Variants in ZNF318 observed in about 807,000 individuals in gnomAD.
ZNF318 encodes the protein zinc finger protein 318, also known as endocrine regulator.
A neutral mutation model predicts 124.2 loss-of-function variants in ZNF318; 51 were observed. The ratio of observed to expected loss-of-function variants is 0.41; its 90% confidence interval spans 0.33 to 0.52. ZNF318 has a LOEUF of 0.52. Ranked by LOEUF, ZNF318 falls within the 20% of genes least tolerant of loss-of-function variation. The pLI is 0.23. For synonymous variants in ZNF318, 1,090 were observed against 1,040.7 expected, an observed-to-expected ratio of 1.05 and a Z score of -0.91; for missense variants, 2,815 against 2,811.2, an observed-to-expected ratio of 1.00 and a Z score of -0.03.
rs564029327 is a variant in ZNF318, at chr6:43,340,096, A to G, written c.3902T>C (p.Leu1301Pro). 6.2e-7 allele frequency: 1 copy of G among 1,614,168 alleles called. No homozygotes were observed. The highest frequency in any genetic ancestry group is 1.3e-5 in the African/African-American group (1 of 75,064). Residue 1301 changes from leucine (L) to proline (P), a missense_variant, in exon 10 of 10, where the codon CTA becomes CCA. Physicochemically the swap from Leu to Pro is moderately conservative, Grantham distance 98. Transcript: ENST00000361428. ...ATCCTCTTTGTCCTTACTACTTTCT[A>G]GAATCTCTTCTTTAGAGATACTTGG... is the stretch of plus-strand genomic sequence containing the variant. Reference protein sequence around the residue: ...VTPSISKEEILESSKDKEDGK... With the variant: ...VTPSISKEEIPESSKDKEDGK...
intron 1 of ZNF318, among the ~76,000 whole-genome samples, chr6:43,366,807 TAC>T (rs1413498918): frequency 3.3e-5 from 5 of 151,914 alleles, no homozygotes; most frequent in African/African-American, 9.7e-5. Context: ...CTATATTACA[TAC>T]ACACACACGC....
rs1316873692 is a variant in ZNF318, at chr6:43,355,577, T to C, written c.1757A>G (p.Asn586Ser). 3 of 1,614,220 alleles carry C rather than the reference T, an allele frequency of 1.9e-6. No individual in the cohort carries two copies. Among genetic ancestry groups the C allele is most frequent in the African/African-American group, 1.3e-5 (1 of 75,052 alleles). Residue 586 changes from asparagine to serine, a missense_variant, in exon 4 of 10, where the codon AAT becomes AGT. Asn to Ser is a conservative substitution (Grantham distance 46). This residue lies in a region of ZNF318 where 1,377 missense variants were observed against 1,353.5 expected (regional missense o/e 1.02). Coordinates refer to ENST00000361428, the MANE Select transcript of ZNF318 (RefSeq NM_014345.3). ...AVKLESLEETNPEYAKIHDLL... is the reference protein window; with the variant it reads ...AVKLESLEETSPEYAKIHDLL... The stretch of plus-strand genomic sequence containing the variant: ...GTCATGGATCTTCGCATATTCTGGA[T>C]TGGTCTCTTCTAGTGATTCTAGCTT...
rs780943780 is a variant in ZNF318 at position 43,365,266 on chromosome 6, T to A, written c.548+26A>T. On this transcript the variant is annotated intron_variant, in intron 2 of 9. Transcript: ENST00000361428. The stretch of plus-strand genomic sequence containing the variant: ...TTTCTGCCTTCAAGTACTAGTATAG[T>A]AGGCCCTGCCTTAGGTGATGCCTAC... The A allele has an allele frequency of 2.5e-6, 4 of 1,608,002 alleles. No individual in the cohort carries two copies. The African/African-American group carries it at 4.0e-5, about 16-fold the overall frequency.
Position 43,365,415 on chromosome 6 carries a change from T to G in ZNF318, c.425A>C (p.Asp142Ala). The stretch of plus-strand genomic sequence containing the variant: ...GATCCTTAAGCTCTTTTCCAAAGAG[T>G]CAGAACACAGACCAGGAGAGCGTCT... ...SRRRSPGLCS[D>A]SLEKSLRITV... The change falls in exon 2 of 10, where the codon GAC becomes GCC. Residue 142 changes from aspartate to alanine, a missense_variant. By Grantham distance (126) the Asp-to-Ala change is moderately radical (BLOSUM62 -2). Coordinates refer to ENST00000361428, the MANE Select transcript of ZNF318 (RefSeq NM_014345.3). 5 of 1,613,786 alleles carry G rather than the reference T, an allele frequency of 3.1e-6. No homozygotes were observed. Among genetic ancestry groups the G allele is most frequent in the Non-Finnish European group, 3.4e-6 (4 of 1,179,930 alleles).
At chr6:43,356,668 T>G (rs1779612037) in intron 3 of ZNF318, among the ~76,000 whole-genome samples, 1 of 152,136 alleles carries the variant, frequency 6.6e-6, no homozygotes, top group South Asian at 2.1e-4. Context: ...GTGAGGTGAC[T>G]TGTCTAAAAA....
chr6:43,347,754 C>T (rs1244369780), intron 6 of ZNF318, among the ~76,000 whole-genome samples: 1 of 151,880 alleles, frequency 6.6e-6, no homozygotes. Context: ...ATGAAATGGC[C>T]TAGGAAGAAA....
At chr6:43,353,905 A>T (rs1198953430) in intron 4 of ZNF318, among the ~76,000 whole-genome samples, 1 of 152,052 alleles carries the variant, frequency 6.6e-6, no homozygotes, top group Non-Finnish European at 1.5e-5. Context: ...CTTTCTTCCC[A>T]CAGGCTGGGG....
Position 43,346,171 on chromosome 6 carries a change from G to A in ZNF318, c.3072+2153C>T, listed in dbSNP as rs1335082763. On this transcript the variant is annotated intron_variant, in intron 6 of 9. Coordinates refer to ENST00000361428, the MANE Select transcript of ZNF318 (RefSeq NM_014345.3). ...GATCACGCCACACGCCACAGAATAA[G>A]ACTCTGTTTCAAAAAAAAAAAAAAA... 3.2e-5 allele frequency among the ~76,000 whole-genome samples: 3 copies of A among 95,158 alleles called. No homozygotes were observed. The Admixed American group carries it at 4.9e-4, about 16-fold the overall frequency. The allele number at this position is 95,158 out of a possible 152,430, so 62.4% of individuals were successfully genotyped here. A position where few individuals can be genotyped will look rare whatever the true frequency, so the allele number is the denominator to read the frequency against.
At chr6:43,366,854 C>CA (rs529840635) in intron 1 of ZNF318, among the ~76,000 whole-genome samples, 126 of 148,076 alleles carry the variant, frequency 8.5e-4, no homozygotes, top group African/African-American at 2.9e-3. Flanking sequence ...GCTCTTAGTC[C>CA]TTTTTTTTTT....
At chr6:43,366,860 T>G (rs547876425) in intron 1 of ZNF318, among the ~76,000 whole-genome samples, 4 of 152,224 alleles carry the variant, frequency 2.6e-5, no homozygotes, top group East Asian at 3.9e-4. Flanking sequence ...AGTCCTTTTT[T>G]TTTTGTTTTG....
chr6:43,349,595 T>C (rs995863513), intron 5 of ZNF318, among the ~76,000 whole-genome samples: 6 of 152,140 alleles, frequency 3.9e-5, no homozygotes, highest in African/African-American at 1.4e-4. Context: ...GATAAATAAC[T>C]CAATTTCTCA....
chr6:43,339,506 G>T lies in ZNF318; in HGVS notation c.4492C>A (p.Pro1498Thr). ...PGFVGPNILNPVLPVAIMASA... is the reference protein window; with the variant it reads ...PGFVGPNILNTVLPVAIMASA... ...GCCATGATGGCTACAGGCAACACTG[G>T]GTTCAAAATGTTAGGACCCACGAAG... Residue 1498 changes from proline (P) to threonine (T), a missense_variant, in exon 10 of 10, where the codon CCA becomes ACA. Transcript: ENST00000361428. This position sits in a 1 kb window ranked among gnomAD's most constrained non-coding sequence, Gnocchi z 4.2. 1 of 1,614,104 alleles carries T rather than the reference G, an allele frequency of 6.2e-7. No individual in the cohort carries two copies. Among genetic ancestry groups the T allele is most frequent in the Non-Finnish European group, 8.5e-7 (1 of 1,180,032 alleles).
At position 43,357,443 on chromosome 6, in the gene ZNF318, T is replaced by G; in HGVS notation, c.871A>C (p.Ser291Arg). 1 of 1,614,158 alleles carries G rather than the reference T, an allele frequency of 6.2e-7. No individual in the cohort carries two copies. The highest frequency in any genetic ancestry group is 8.5e-7 in the Non-Finnish European group (1 of 1,180,008). ...KINSMGGDHP[S>R]FTSGTRNYRQ... Reference sequence around the variant, plus strand: ...TAGTTGCGAGTTCCTGATGTAAAACTTGGGTGATCCCCTCCCATGCTGTTT... The same window carrying G: ...TAGTTGCGAGTTCCTGATGTAAAACGTGGGTGATCCCCTCCCATGCTGTTT... Residue 291 changes from serine to arginine, a missense_variant, in exon 3 of 10, where the codon AGT (serine) becomes CGT (arginine). Physicochemically the swap from Ser to Arg is moderately radical, Grantham distance 110. Around this residue, in one of 4 missense-constraint regions of ZNF318, gnomAD observed 1,377 missense variants for 1,353.5 expected, o/e 1.02. Transcript: ENST00000361428.
chr6:43,339,809 C>G lies in ZNF318; in HGVS notation c.4189G>C (p.Ala1397Pro). ...KPLPVVKESS[A>P]DLLLPPDIIS... ...ATGTCTGGAGGTAAGAGGAGATCAG[C>G]TGAAGACTCTTTAACCACTGGCAGA... Residue 1397 changes from alanine (A) to proline (P), a missense_variant, in exon 10 of 10, where the codon GCT becomes CCT. Physicochemically the swap from Ala to Pro is conservative, Grantham distance 27. Coordinates refer to ENST00000361428, the MANE Select transcript of ZNF318 (RefSeq NM_014345.3). The surrounding 1 kb of genome is among the most constrained non-coding windows in gnomAD (Gnocchi z 4.2). 1 of 1,614,186 alleles carries G rather than the reference C, an allele frequency of 6.2e-7. No homozygotes were observed. Among genetic ancestry groups the G allele is most frequent in the Non-Finnish European group, 8.5e-7 (1 of 1,180,030 alleles).
At position 43,337,025 on chromosome 6, in the gene ZNF318, C is replaced by T; in HGVS notation, c.*133G>A. 1.2e-6 allele frequency: 1 copy of T among 826,496 alleles called. No individual in the cohort carries two copies. Among genetic ancestry groups the T allele is most frequent in the Non-Finnish European group, 1.7e-6 (1 of 586,614 alleles). 51.2% of individuals were successfully genotyped at this position (826,496 alleles called of 1,614,324 possible). ...AGGTAAATTTTTTAGCTTCCATGAA[C>T]ATTTACTTTAAGATGCTGACTGCAT... On this transcript the variant is annotated 3_prime_UTR_variant, in exon 10 of 10. Transcript: ENST00000361428.
Position 43,348,362 on chromosome 6 carries a change from C to T in ZNF318, c.3034G>A (p.Glu1012Lys). 2 of 1,611,138 alleles carry T rather than the reference C, an allele frequency of 1.2e-6. No individual in the cohort carries two copies. Among genetic ancestry groups the T allele is most frequent in the Non-Finnish European group, 1.7e-6 (2 of 1,179,172 alleles). ...GAGTTTGAGAACGATGACACTTTTT[C>T]TGGGCTCTTAGATTTTTCTGCTTTC... ...PGKAEKSKSP[E>K]KVSSFSNSSS... is the part of the protein sequence containing the mutation. Residue 1012 changes from glutamate (E) to lysine (K), a missense_variant, in exon 6 of 10, where the codon GAA (glutamate) becomes AAA (lysine). This residue lies in a region of ZNF318 where 1,377 missense variants were observed against 1,353.5 expected (regional missense o/e 1.02). Coordinates refer to ENST00000361428, the MANE Select transcript of ZNF318 (RefSeq NM_014345.3).
At chr6:43,368,112 G>A (rs1779786360) in intron 1 of ZNF318, among the ~76,000 whole-genome samples, 2 of 152,206 alleles carry the variant, frequency 1.3e-5, no homozygotes, top group Non-Finnish European at 2.9e-5. Flanking sequence ...CTCTTGGGGT[G>A]GTGGTTATGG....
chr6:43,347,524 G>A (rs774458554), intron 6 of ZNF318, among the ~76,000 whole-genome samples: 4 of 152,230 alleles, frequency 2.6e-5, no homozygotes, highest in Admixed American at 6.5e-5. Flanking sequence ...GAAAACTGTC[G>A]GACAGTATGC....
Position 43,336,996 on chromosome 6 carries a change from AAGG to A in ZNF318, c.*159_*161del. ...TGTTTTAAGGGGAAAGGGAAAAGGA[AAGG>A]AGGTAAATTTTTTAGCTTCCATGAA... is the stretch of plus-strand genomic sequence containing the variant. On this transcript the variant is annotated 3_prime_UTR_variant, in exon 10 of 10. Coordinates refer to ENST00000361428, the MANE Select transcript of ZNF318 (RefSeq NM_014345.3). 2.0e-6 allele frequency: 1 copy of A among 505,764 alleles called. No individual in the cohort carries two copies. The highest frequency in any genetic ancestry group is 5.7e-5 in the South Asian group (1 of 17,526). The allele number at this position is 505,764 out of a possible 1,614,324, so 31.3% of individuals were successfully genotyped here.
Sources: allele counts gnomAD v4.1 joint callset (sites outside exome capture counted in the v4.1 genomes callset), GRCh38; gene constraint gnomAD v4.1.1; regional missense constraint gnomAD v4.1.1; non-coding constraint Gnocchi (gnomAD v3.1); transcripts MANE v1.5; gene names NCBI Gene and HGNC (gene_info 2026-07-23, HGNC 2026-07-21).